F11R: variants seen among roughly 807,000 people sequenced by gnomAD.
F11R encodes junctional adhesion molecule A.
F11R carries 27 observed loss-of-function variants against 39.3 expected under a neutral mutation model. The observed-to-expected ratio is 0.69, with a 90% CI of 0.51 to 0.95. The LOEUF is 0.95. F11R is among the 40% of genes least tolerant of loss of function. The pLI is 0.00. For synonymous variants in F11R, 131 were observed against 144.9 expected (o/e 0.90, Z 0.69); for missense variants, 335 against 372.7 (o/e 0.90, Z 0.83).
intron 1 of F11R, among the ~76,000 whole-genome samples, chr1:161,011,416 C>T (rs1649151719): frequency 6.6e-6 from 1 of 152,016 alleles, no homozygotes; most frequent in African/African-American, 2.4e-5. Context: ...ATGATATAGC[C>T]ATACTTTAGG....
intron 1 of F11R, among the ~76,000 whole-genome samples, chr1:161,009,728 GAGGCCGA>G (rs1393663926): frequency 6.6e-5 from 10 of 151,884 alleles, no homozygotes; most frequent in Non-Finnish European, 1.5e-5. Flanking sequence ...AGCACTTTGG[GAGGCCGA>G]TGTGGGTGGA....
At chr1:161,000,033 T>A in intron 5 of F11R, 55 bp from the exon 6 acceptor site, 1 of 1,595,824 alleles carries the variant, frequency 6.3e-7, no homozygotes, top group Non-Finnish European at 8.6e-7. Flanking sequence ...AGACATTTTT[T>A]AATGTCTCTT....
chr1:161,013,556 C>T (rs1406793297), intron 1 of F11R, among the ~76,000 whole-genome samples: 1 of 152,192 alleles, frequency 6.6e-6, no homozygotes. Context: ...GATCAAGAGG[C>T]TCCATGGGCC....
Position 161,021,128 on chromosome 1 carries a change from G to T in F11R, c.-55C>A. The T allele has an allele frequency of 6.6e-7, 1 of 1,509,352 alleles. No homozygotes were observed. Among genetic ancestry groups the T allele is most frequent in the Non-Finnish European group, 9.2e-7 (1 of 1,088,960 alleles). 93.5% of individuals were successfully genotyped at this position (1,509,352 alleles called of 1,614,324 possible). A position where few individuals can be genotyped will look rare whatever the true frequency, so the allele number is the denominator to read the frequency against. On this transcript the variant is annotated 5_prime_UTR_variant, in exon 1 of 10. The change creates a new upstream start codon in the 5' untranslated region. Coordinates refer to ENST00000368026, the MANE Select transcript of F11R (RefSeq NM_016946.6). ...CGAAGGACTCCTGGGAACAGACACA[G>T]CTCCGCGACTACAGCGAGGGGACTG...
rs1451579013 is a variant in F11R at position 160,996,783 on chromosome 1, AC to A, written c.*2087del. On this transcript the variant is annotated 3_prime_UTR_variant, in exon 10 of 10. Coordinates refer to ENST00000368026, the MANE Select transcript of F11R (RefSeq NM_016946.6). ...TCCGTCTTTAAAAAAACAAAACAAAACAAAACAAAAAACAACAAACTCATCT... is the reference window on the plus strand; with the variant it reads ...TCCGTCTTTAAAAAAACAAAACAAAAAAAACAAAAAACAACAAACTCATCT... 2.0e-5 allele frequency: 3 copies of A among 152,290 alleles called. No individual in the cohort carries two copies. Among genetic ancestry groups the A allele is most frequent in the Non-Finnish European group, 4.4e-5 (3 of 68,112 alleles). The allele number at this position is 152,290 out of a possible 1,614,324, so 9.4% of individuals were successfully genotyped here.
chr1:160,999,729 A>AC lies in F11R; in HGVS notation c.712dup (p.Val238GlyfsTer25). 6.2e-7 allele frequency: 1 copy of AC among 1,612,606 alleles called. No homozygotes were observed. Among genetic ancestry groups the AC allele is most frequent in the East Asian group, 2.2e-5 (1 of 44,816 alleles). The stretch of plus-strand genomic sequence containing the variant: ...GGTTACAAGGACGGCTGCCACGATG[A>AC]CCCCCACATTCCGCTCCACTGCGAG... On this transcript the variant is annotated frameshift_variant, in exon 7 of 10. Coordinates refer to ENST00000368026, the MANE Select transcript of F11R (RefSeq NM_016946.6). LOFTEE classifies it high-confidence loss of function.
chr1:161,001,403 C>T, intron 1 of F11R, 50 bp from the exon 2 acceptor site: 1 of 1,541,016 alleles, frequency 6.5e-7, no homozygotes, highest in Non-Finnish European at 9.0e-7. Flanking sequence ...CAGAGAAATG[C>T]CAGGAAGAAG....
chr1:160,999,529 AC>A (rs1648334668), intron 7 of F11R, 110 bp downstream of exon 7: 2 of 1,513,140 alleles, frequency 1.3e-6, no homozygotes, highest in African/African-American at 2.7e-5. Context: ...TCCCCAGGGG[AC>A]AACACCCACA....
At chr1:161,013,141 A>G (rs1266553535) in intron 1 of F11R, among the ~76,000 whole-genome samples, 8 of 151,736 alleles carry the variant, frequency 5.3e-5, no homozygotes, top group Admixed American at 1.3e-4. Context: ...GGGAAAAAAA[A>G]AAAAAAGAAG....
rs866775869 is a variant in F11R, at chr1:161,005,007, A to G, written c.65-3654T>C. Among the ~76,000 whole-genome samples, 108 of 151,568 alleles carry G rather than the reference A, an allele frequency of 7.1e-4. 1 individual carries two copies. The highest frequency in any genetic ancestry group is 2.3e-3 in the African/African-American group (96 of 41,314). ...GAAATCTCGTCTCTAGTAAAAGTACAAAAACCAGCCAGGGGTGGTGGCACT... is the reference window on the plus strand; with the variant it reads ...GAAATCTCGTCTCTAGTAAAAGTACGAAAACCAGCCAGGGGTGGTGGCACT... On this transcript the variant is annotated intron_variant, in intron 1 of 9. Coordinates refer to ENST00000368026, the MANE Select transcript of F11R (RefSeq NM_016946.6).
rs781026328 is a variant in F11R, at chr1:161,001,041, A to C, written c.220T>G (p.Cys74Gly). The C allele has an allele frequency of 3.1e-6, 5 of 1,614,174 alleles. No homozygotes were observed. The highest frequency in any genetic ancestry group is 4.2e-6 in the Non-Finnish European group (5 of 1,180,002). Residue 74 changes from cysteine to glycine, a missense_variant, in exon 3 of 10, where the codon TGC becomes GGC. Coordinates refer to ENST00000368026, the MANE Select transcript of F11R (RefSeq NM_016946.6). ...FDQGDTTRLV[C>G]YNNKITASYE... is the part of the protein sequence containing the mutation. ...TCACCTGTGATCTTGTTATTATAGC[A>C]AACGAGTCTGGTGGTGTCTCCTTGG... is the stretch of plus-strand genomic sequence containing the variant.
intron 5 of F11R, 30 bp from the exon 6 acceptor site, chr1:161,000,008 C>G (rs1284597318): frequency 6.2e-7 from 1 of 1,607,234 alleles, no homozygotes. Context: ...TGGCTTCCTG[C>G]TGAAGAAGCA....
intron 2 of F11R, 26 bp downstream of exon 2, chr1:161,001,259 A>C (rs1571008058): frequency 6.2e-7 from 1 of 1,612,564 alleles, no homozygotes; most frequent in Non-Finnish European, 8.5e-7. Context: ...TCACCCTCAC[A>C]CCCTCCATGG....
intron 3 of F11R, 30 bp downstream of exon 3, chr1:161,000,990 G>T: frequency 6.3e-7 from 1 of 1,577,348 alleles, no homozygotes; most frequent in Non-Finnish European, 8.7e-7. Flanking sequence ...CCACAACCTA[G>T]GCAATCAGGA....
chr1:161,021,047 C>A lies in F11R; in HGVS notation c.27G>T (p.Arg9Ser). The A allele has an allele frequency of 6.2e-7, 1 of 1,613,990 alleles. No homozygotes were observed. ...CCAATATGAAGAGGCACAACAGTTT[C>A]CTCTCGACTTGCGCCTTTGTCCCCA... MGTKAQVERKLLCLFILAI... is the reference protein window; with the variant it reads MGTKAQVESKLLCLFILAI... Residue 9 changes from arginine to serine, a missense_variant, in exon 1 of 10, where the codon AGG becomes AGT. By Grantham distance (110) the Arg-to-Ser change is moderately radical (BLOSUM62 -1). Coordinates refer to ENST00000368026, the MANE Select transcript of F11R (RefSeq NM_016946.6).
In F11R at chr1:160,999,956, G is replaced by C; in HGVS notation, c.614C>G (p.Ser205Cys). 1 of 1,614,202 alleles carries C rather than the reference G, an allele frequency of 6.2e-7. No homozygotes were observed. Among genetic ancestry groups the C allele is most frequent in the Non-Finnish European group, 8.5e-7 (1 of 1,180,030 alleles). The change falls in exon 6 of 10, where the codon TCT becomes TGT. Residue 205 changes from serine (S) to cysteine (C), a missense_variant. Transcript: ENST00000368026. ...GELVFDPLSASDTGEYSCEAR... is the reference protein window; with the variant it reads ...GELVFDPLSACDTGEYSCEAR... ...CTCACAGCTGTATTCTCCAGTATCA[G>C]AGGCTGACAGGGGATCAAAGACCTG... is the stretch of plus-strand genomic sequence containing the variant.
At chr1:160,999,120 T>C in intron 8 of F11R, 29 bp from the exon 9 acceptor site, 8 of 1,614,040 alleles carry the variant, frequency 5.0e-6, no homozygotes, top group Non-Finnish European at 6.8e-6. Context: ...ACAGAGACAC[T>C]CAGCCACCTA....
At chr1:161,019,796 C>T (rs1481613071) in intron 1 of F11R, among the ~76,000 whole-genome samples, 1 of 152,128 alleles carries the variant, frequency 6.6e-6, no homozygotes, top group Non-Finnish European at 1.5e-5. Context: ...CCACCCCTAA[C>T]TCTATTGTCA....
intron 1 of F11R, among the ~76,000 whole-genome samples, chr1:161,018,901 C>T (rs528522809): frequency 1.3e-5 from 2 of 152,282 alleles, no homozygotes; most frequent in South Asian, 2.1e-4. Context: ...TCCCTGAAGA[C>T]ACCTCCAAGC....
Sources: gnomAD v4.1 joint callset for allele counts (sites outside exome capture counted in the v4.1 genomes callset) on GRCh38, gnomAD v4.1.1 for gene constraint, MANE v1.5 for transcripts, NCBI Gene and HGNC (gene_info 2026-07-23, HGNC 2026-07-21) for gene names.